The following AP4E1 variants were observed in gnomAD, a reference collection of about 807,000 sequenced individuals.
The protein encoded by AP4E1 is adaptor related protein complex 4 subunit epsilon 1.
A neutral mutation model predicts 128.2 loss-of-function variants in AP4E1; 56 were observed. That is an observed-to-expected ratio of 0.44 (90% confidence interval 0.35 to 0.55). The LOEUF is 0.55. AP4E1 is among the 20% of genes least tolerant of loss of function. AP4E1 has a pLI of 0.00. For missense variants in AP4E1, 1,324 were observed against 1,307.7 expected (o/e 1.01, Z -0.19); for synonymous variants, 484 against 473.1 (o/e 1.02, Z -0.30).
chr15:50,985,920 A>T lies in AP4E1; in HGVS notation c.2090+1775A>T, dbSNP rs1295483781. ...CTTGGGCAATATGGCCATTTTCACA[A>T]TATTGATTCTTCCTACCCATGAGCA... On this transcript the variant is annotated intron_variant, in intron 16 of 20. Coordinates refer to ENST00000261842, the MANE Select transcript of AP4E1 (RefSeq NM_007347.5). 3.9e-5 allele frequency among the ~76,000 whole-genome samples: 6 copies of T among 152,122 alleles called. 1 individual carries two copies. The highest frequency in any genetic ancestry group is 2.0e-4 in the Admixed American group (3 of 15,268).
chr15:50,912,687 T>C (rs2063579774), intron 2 of AP4E1, among the ~76,000 whole-genome samples: 4 of 150,818 alleles, frequency 2.7e-5, no homozygotes, highest in African/African-American at 7.3e-5. Flanking sequence ...AGACGGAGTC[T>C]CGCTCTGTTG....
chr15:50,930,664 A>T, intron 6 of AP4E1, 141 bp from the exon 7 acceptor site: 1 of 837,738 alleles, frequency 1.2e-6, no homozygotes, highest in Non-Finnish European at 1.9e-6. Context: ...GGAAGATATT[A>T]TACATATTAG....
At chr15:50,966,639 G>A (rs1408047285) in intron 14 of AP4E1, among the ~76,000 whole-genome samples, 2 of 147,838 alleles carry the variant, frequency 1.4e-5, no homozygotes, top group African/African-American at 5.0e-5. Context: ...CAGGTTTCAA[G>A]TGATTCTCCT....
At chr15:50,996,113 C>G (rs145911405) in intron 17 of AP4E1, among the ~76,000 whole-genome samples, 2,434 of 149,898 alleles carry the variant, frequency 0.016, 35 homozygotes, top group Non-Finnish European at 0.025. Context: ...CTCAGTCTCC[C>G]GAGTAGCTGG....
chr15:50,930,523 A>G lies in AP4E1; in HGVS notation c.703-282A>G, dbSNP rs115550356. 2.1e-3 allele frequency among the ~76,000 whole-genome samples: 325 copies of G among 152,000 alleles called. 2 individuals are homozygous for G. Among genetic ancestry groups the G allele is most frequent in the African/African-American group, 7.6e-3 (315 of 41,454 alleles). On this transcript the variant is annotated intron_variant, in intron 6 of 20. Coordinates refer to ENST00000261842, the MANE Select transcript of AP4E1 (RefSeq NM_007347.5). Reference sequence around the variant, plus strand: ...TTTGTTTTAATTACTGGTATTGGCTATTAAGGATTCTACCTAAGATATAAG... The same window carrying G: ...TTTGTTTTAATTACTGGTATTGGCTGTTAAGGATTCTACCTAAGATATAAG...
intron 1 of AP4E1, among the ~76,000 whole-genome samples, chr15:50,910,109 C>T (rs1485755125): frequency 6.6e-6 from 1 of 152,236 alleles, no homozygotes; most frequent in African/African-American, 2.4e-5. Context: ...GCCTCAGCCT[C>T]CCAAGTAGCT....
chr15:50,986,134 T>C (rs1356483071), intron 16 of AP4E1, among the ~76,000 whole-genome samples: 1 of 152,190 alleles, frequency 6.6e-6, no homozygotes, highest in African/African-American at 2.4e-5. Flanking sequence ...ATAAGAATGC[T>C]TGTGATTTTT....
Position 51,002,568 on chromosome 15 carries a change from A to G in AP4E1, c.3320A>G (p.His1107Arg). The change falls in exon 21 of 21, where the codon CAT (histidine) becomes CGT (arginine). Residue 1107 changes from histidine (H) to arginine (R), a missense_variant. His to Arg is a conservative substitution (Grantham distance 29). Transcript: ENST00000261842. ...CCCTGCTTACTGCATTGCCGAGTTCATGCAGATGTATTAGCCCTGTGGTTC... is the reference window on the plus strand; with the variant it reads ...CCCTGCTTACTGCATTGCCGAGTTCGTGCAGATGTATTAGCCCTGTGGTTC... ...SIPCLLHCRV[H>R]ADVLALWFRS... 1.2e-6 allele frequency: 2 copies of G among 1,614,176 alleles called. No homozygotes were observed. The highest frequency in any genetic ancestry group is 1.1e-5 in the South Asian group (1 of 91,084).
chr15:50,972,292 A>T (rs1378679166), intron 15 of AP4E1, among the ~76,000 whole-genome samples: 1 of 151,980 alleles, frequency 6.6e-6, no homozygotes, highest in Non-Finnish European at 1.5e-5. Context: ...GCTCACTGCA[A>T]CCTCTGTCTC....
chr15:50,928,900 TA>T, intron 5 of AP4E1, 108 bp from the exon 6 acceptor site: 6 of 1,008,974 alleles, frequency 5.9e-6, no homozygotes, highest in Non-Finnish European at 9.0e-6. Flanking sequence ...TCTTTCTTTG[TA>T]AATTAAGGTA....
intron 19 of AP4E1, among the ~76,000 whole-genome samples, chr15:51,000,535 CA>C (rs2064948811): frequency 6.6e-6 from 1 of 152,102 alleles, no homozygotes; most frequent in Non-Finnish European, 1.5e-5. Context: ...ATCCAGCCTT[CA>C]AAAAACTTAC....
In AP4E1 at chr15:50,915,397, A is replaced by G. The variant is rs550547906; in HGVS notation, c.223-51A>G. 4 of 1,573,526 alleles carry G rather than the reference A, an allele frequency of 2.5e-6. No homozygotes were observed. The East Asian group carries it at 9.0e-5, about 35-fold the overall frequency. ...TAAATTATGAGAACATAGTTAAAAC[A>G]ATCTAAATATTCTGTTTATTTATAC... On this transcript the variant is annotated intron_variant, in intron 2 of 20. Transcript: ENST00000261842.
chr15:50,926,043 C>T (rs994756386), intron 5 of AP4E1, among the ~76,000 whole-genome samples: 4 of 152,126 alleles, frequency 2.6e-5, no homozygotes, highest in Non-Finnish European at 5.9e-5. Flanking sequence ...ATTTCCTTAA[C>T]TGTCTCCTTA....
chr15:50,918,759 C>T (rs2063658756), intron 3 of AP4E1, among the ~76,000 whole-genome samples: 1 of 152,138 alleles, frequency 6.6e-6, no homozygotes, highest in Non-Finnish European at 1.5e-5. Flanking sequence ...CTATCTCTTA[C>T]TTGAAAGATA....
chr15:50,913,974 C>T (rs193039994), intron 2 of AP4E1, among the ~76,000 whole-genome samples: 2 of 152,010 alleles, frequency 1.3e-5, no homozygotes, highest in African/African-American at 2.4e-5. Flanking sequence ...CAGGTCCCCA[C>T]GCCTGGCTAA....
chr15:50,920,049 C>T (rs1194518575), intron 3 of AP4E1, among the ~76,000 whole-genome samples: 2 of 145,708 alleles, frequency 1.4e-5, no homozygotes, highest in Non-Finnish European at 3.0e-5. Context: ...TGCACTCCAG[C>T]CTAGGCAACA....
intron 16 of AP4E1, among the ~76,000 whole-genome samples, chr15:50,990,748 T>C (rs755305807): frequency 3.2e-4 from 49 of 152,284 alleles, no homozygotes; most frequent in Non-Finnish European, 6.2e-4. Context: ...ATCATAAGTA[T>C]GTATGCAGAT....
rs75130619 is a variant in AP4E1 at position 50,997,408 on chromosome 15, C to T, written c.2429C>T (p.Thr810Ile). Reference protein sequence around the residue: ...KEAKSGETTSTHNMTCSSFSS... With the variant: ...KEAKSGETTSIHNMTCSSFSS... ...GCTAAAAGTGGCGAAACAACCAGTA[C>T]TCATAATATGACCTGTTCTTCCTTT... The change falls in exon 18 of 21, where the codon ACT becomes ATT. Residue 810 changes from threonine (T) to isoleucine (I), a missense_variant. By Grantham distance (89) the Thr-to-Ile change is moderately conservative (BLOSUM62 -1). Coordinates refer to ENST00000261842, the MANE Select transcript of AP4E1 (RefSeq NM_007347.5). 3,231 of 1,612,482 alleles carry T rather than the reference C, an allele frequency of 2.0e-3. 55 individuals are homozygous for T. In the African/African-American group the frequency reaches 0.039, roughly 20 times the overall value.
In AP4E1 at chr15:50,934,682, C is replaced by T. The variant is rs753098581; in HGVS notation, c.928C>T (p.His310Tyr). 1 of 1,602,332 alleles carries T rather than the reference C, an allele frequency of 6.2e-7. No individual in the cohort carries two copies. The highest frequency in any genetic ancestry group is 1.7e-5 in the Admixed American group (1 of 59,958). The change falls in exon 8 of 21, where the codon CAC becomes TAC. Residue 310 changes from histidine to tyrosine, a missense_variant. Physicochemically the swap from His to Tyr is moderately conservative, Grantham distance 83. Coordinates refer to ENST00000261842, the MANE Select transcript of AP4E1 (RefSeq NM_007347.5). Reference protein sequence around the residue: ...DESLRRAELNHNVTYAILFEC... With the variant: ...DESLRRAELNYNVTYAILFEC... ...ATCCTTACGAAGAGCTGAGTTAAAT[C>T]ACAATGTCACATATGGTAGGTAATA... is the stretch of plus-strand genomic sequence containing the variant.
Sources: gnomAD v4.1 joint callset for allele counts (sites outside exome capture counted in the v4.1 genomes callset) on GRCh38, gnomAD v4.1.1 for gene constraint, MANE v1.5 for transcripts, NCBI Gene and HGNC (gene_info 2026-07-23, HGNC 2026-07-21) for gene names.